CAMK4: variants seen among roughly 807,000 people sequenced by gnomAD.
CAMK4 encodes the protein calcium/calmodulin-dependent protein kinase type IV.
In CAMK4, 22 loss-of-function variants were observed where a neutral mutation model predicts 44.9. That is an observed-to-expected ratio of 0.49 (90% confidence interval 0.35 to 0.70). The LOEUF (loss-of-function observed/expected upper bound fraction) is 0.70. Ranked by LOEUF, CAMK4 falls within the 30% of genes least tolerant of loss-of-function variation. The pLI is 0.01. For missense variants in CAMK4, 498 were observed against 586.8 expected, an observed-to-expected ratio of 0.85 and a Z score of 1.56; for synonymous variants, 218 against 215.4, an observed-to-expected ratio of 1.01 and a Z score of -0.11.
chr5:111,243,629 T>G (rs547120893), intron 1 of CAMK4, among the ~76,000 whole-genome samples: 41 of 152,294 alleles, frequency 2.7e-4, no homozygotes, highest in African/African-American at 9.6e-4. Context: ...GGCTCCAATT[T>G]CCCTCTCTGC....
chr5:111,332,084 T>G (rs1008037535), intron 1 of CAMK4, among the ~76,000 whole-genome samples: 1 of 151,650 alleles, frequency 6.6e-6, no homozygotes, highest in Admixed American at 6.6e-5. Flanking sequence ...CCTTTTCTTT[T>G]TTATTATTAT....
chr5:111,282,509 A>G (rs761287302), intron 1 of CAMK4, among the ~76,000 whole-genome samples: 1 of 152,192 alleles, frequency 6.6e-6, no homozygotes, highest in Non-Finnish European at 1.5e-5. Flanking sequence ...ACATTTTTCT[A>G]TGACCCTTAA....
At chr5:111,440,996 C>G (rs1753804363) in intron 5 of CAMK4, among the ~76,000 whole-genome samples, 1 of 152,172 alleles carries the variant, frequency 6.6e-6, no homozygotes, top group African/African-American at 2.4e-5. Flanking sequence ...CCACTACAAT[C>G]TGCAAAGTGG....
chr5:111,345,545 C>G (rs944671663), intron 2 of CAMK4, among the ~76,000 whole-genome samples: 1 of 151,754 alleles, frequency 6.6e-6, no homozygotes, highest in African/African-American at 2.4e-5. Context: ...CTTGTTTGTA[C>G]GATTTCTTAT....
chr5:111,482,867 C>T lies in CAMK4; in HGVS notation c.911C>T (p.Ala304Val). The T allele has an allele frequency of 1.9e-6, 3 of 1,613,570 alleles. No individual in the cohort carries two copies. Among genetic ancestry groups the T allele is most frequent in the Non-Finnish European group, 2.5e-6 (3 of 1,179,694 alleles). The change falls in exon 10 of 11, where the codon GCA (alanine) becomes GTA (valine). Residue 304 changes from alanine (A) to valine (V), a missense_variant. Physicochemically the swap from Ala to Val is moderately conservative, Grantham distance 64. Around this residue, in one of 3 missense-constraint regions of CAMK4, gnomAD observed 203 missense variants for 298.2 expected, o/e 0.68. Transcript: ENST00000282356. This position sits in a 1 kb window ranked among gnomAD's most constrained non-coding sequence, Gnocchi z 4.9. ...CAGCATCCGTGGGTCACAGGTAAAG[C>T]AGCCAATTTTGTACACATGGATACC... is the stretch of plus-strand genomic sequence containing the variant. ...ALQHPWVTGKAANFVHMDTAQ... is the reference protein window; with the variant it reads ...ALQHPWVTGKVANFVHMDTAQ...
rs531211151 is a variant in CAMK4, at chr5:111,264,726, T to C, written c.161+40082T>C. The stretch of plus-strand genomic sequence containing the variant: ...GCAGAGATTGAGCCCTCTTCTTTCA[T>C]GGCAAGGTTCCAAGGATGGAACCAG... On this transcript the variant is annotated intron_variant, in intron 1 of 10. Coordinates refer to ENST00000282356, the MANE Select transcript of CAMK4 (RefSeq NM_001744.6). 2.6e-5 allele frequency among the ~76,000 whole-genome samples: 4 copies of C among 152,254 alleles called. No individual in the cohort carries two copies. In the South Asian group the frequency reaches 8.3e-4, roughly 32 times the overall value.
At chr5:111,379,480 C>A (rs1751335996) in intron 4 of CAMK4, among the ~76,000 whole-genome samples, 1 of 152,096 alleles carries the variant, frequency 6.6e-6, no homozygotes, top group South Asian at 2.1e-4. Context: ...AGACTCTTTT[C>A]CTTTGCATGT....
intron 1 of CAMK4, among the ~76,000 whole-genome samples, chr5:111,279,175 T>C (rs541786978): frequency 1.3e-5 from 2 of 152,212 alleles, no homozygotes; most frequent in Non-Finnish European, 2.9e-5. Context: ...GGTCGTAGGC[T>C]TGAACTTATT....
chr5:111,422,232 T>G (rs1235772035), intron 5 of CAMK4, among the ~76,000 whole-genome samples: 1 of 152,238 alleles, frequency 6.6e-6, no homozygotes, highest in Non-Finnish European at 1.5e-5. Context: ...TCCCTTCATA[T>G]AGATGATCTG....
intron 1 of CAMK4, among the ~76,000 whole-genome samples, chr5:111,227,403 G>C (rs544748841): frequency 2.6e-4 from 39 of 152,308 alleles, no homozygotes; most frequent in South Asian, 1.5e-3. Flanking sequence ...AATATACTAA[G>C]AGAACAGTGC....
At chr5:111,398,638 A>G (rs1752108718) in intron 5 of CAMK4, among the ~76,000 whole-genome samples, 1 of 152,118 alleles carries the variant, frequency 6.6e-6, no homozygotes, top group African/African-American at 2.4e-5. Context: ...TAACTTTTCT[A>G]TTACCAAATT....
intron 4 of CAMK4, among the ~76,000 whole-genome samples, chr5:111,379,696 A>T (rs115178569): frequency 0.01 from 1,527 of 152,278 alleles, 28 homozygotes; most frequent in African/African-American, 0.035. Context: ...TTGTGATGAT[A>T]AGAATTCATT....
chr5:111,312,530 G>A (rs1283439211), intron 1 of CAMK4, among the ~76,000 whole-genome samples: 1 of 152,102 alleles, frequency 6.6e-6, no homozygotes, highest in African/African-American at 2.4e-5. Context: ...ATTTGTTCAT[G>A]TTTTTTAGGA....
At chr5:111,377,032 T>C (rs1751237874) in intron 4 of CAMK4, 90 bp downstream of exon 4, 1 of 781,058 alleles carries the variant, frequency 1.3e-6, no homozygotes, top group South Asian at 1.6e-5. Flanking sequence ...AAACTTTTTA[T>C]AATGACAGAT....
At chr5:111,292,514 T>C (rs923531617) in intron 1 of CAMK4, among the ~76,000 whole-genome samples, 8 of 152,112 alleles carry the variant, frequency 5.3e-5, no homozygotes, top group African/African-American at 1.7e-4. Flanking sequence ...ATTTTAATGG[T>C]GAAAGCAAGA....
chr5:111,362,361 G>A (rs1409285312), intron 2 of CAMK4, among the ~76,000 whole-genome samples: 1 of 152,048 alleles, frequency 6.6e-6, no homozygotes, highest in Non-Finnish European at 1.5e-5. Flanking sequence ...AGGCATTGAT[G>A]ACATTGGGCC....
chr5:111,451,367 G>A (rs1299042036), intron 7 of CAMK4, among the ~76,000 whole-genome samples: 5 of 151,510 alleles, frequency 3.3e-5, no homozygotes, highest in East Asian at 1.9e-4. Context: ...GACAGATCTC[G>A]GCTTATAGTA....
chr5:111,379,179 C>T (rs1751324013), intron 4 of CAMK4, among the ~76,000 whole-genome samples: 1 of 152,096 alleles, frequency 6.6e-6, no homozygotes, highest in Non-Finnish European at 1.5e-5. Context: ...GACAGGAATG[C>T]CACACTGAAG....
intron 1 of CAMK4, among the ~76,000 whole-genome samples, chr5:111,327,319 C>T (rs1240279500): frequency 1.3e-5 from 2 of 150,948 alleles, no homozygotes; most frequent in Admixed American, 6.6e-5. Flanking sequence ...TCATCCATGT[C>T]CCTGCAAAGG....
Sources: gnomAD v4.1 joint callset for allele counts (sites outside exome capture counted in the v4.1 genomes callset) on GRCh38, gnomAD v4.1.1 for gene constraint, gnomAD v4.1.1 regional missense constraint, Gnocchi (gnomAD v3.1) non-coding constraint, MANE v1.5 for transcripts, NCBI Gene and HGNC (gene_info 2026-07-23, HGNC 2026-07-21) for gene names.